Variants in CDH18 observed in about 807,000 individuals in gnomAD.
The protein encoded by CDH18 is cadherin-18.
A neutral mutation model predicts 67.9 loss-of-function variants in CDH18; 31 were observed. The ratio of observed to expected loss-of-function variants is 0.46; its 90% CI spans 0.34 to 0.62. The LOEUF (loss-of-function observed/expected upper bound fraction) is 0.62, where lower values mean the gene tolerates loss of function less well. Among genes scored for constraint, CDH18 ranks in the 20% least tolerant of loss-of-function variants. The pLI, the probability that CDH18 is intolerant of heterozygous loss-of-function variation, is 0.01. For synonymous variants in CDH18, 362 were observed against 347.2 expected (o/e 1.04, Z -0.48); for missense variants, 890 against 975.5 (o/e 0.91, Z 1.17).
intron 1 of CDH18, among the ~76,000 whole-genome samples, chr5:20,523,026 A>G (rs1411172918): frequency 6.6e-6 from 1 of 152,206 alleles, no homozygotes; most frequent in Non-Finnish European, 1.5e-5. Flanking sequence ...CACAAGATGT[A>G]GGACTTTAAC....
At chr5:19,973,178 T>C (rs1374349477) in intron 2 of CDH18, among the ~76,000 whole-genome samples, 1 of 152,092 alleles carries the variant, frequency 6.6e-6, no homozygotes, top group Non-Finnish European at 1.5e-5. Flanking sequence ...GGAAAAACAC[T>C]GTGGAAATAT....
chr5:20,188,863 A>AAAC (rs1554100582), intron 2 of CDH18, among the ~76,000 whole-genome samples: 1 of 150,684 alleles, frequency 6.6e-6, no homozygotes, highest in African/African-American at 2.5e-5. Context: ...AAAAAAAAAA[A>AAAC]TCCACTCTCT....
chr5:20,151,574 C>A (rs906732542), intron 2 of CDH18, among the ~76,000 whole-genome samples: 2 of 152,100 alleles, frequency 1.3e-5, no homozygotes, highest in African/African-American at 4.8e-5. Context: ...CTGCTTTCCA[C>A]AGTGGTGGAA....
At chr5:20,161,353 G>T (rs1735876171) in intron 2 of CDH18, among the ~76,000 whole-genome samples, 1 of 152,120 alleles carries the variant, frequency 6.6e-6, no homozygotes, top group African/African-American at 2.4e-5. Flanking sequence ...CATGGAAGTT[G>T]ATTGCTAAAG....
intron 1 of CDH18, among the ~76,000 whole-genome samples, chr5:20,413,003 G>A (rs879864117): frequency 5.3e-5 from 8 of 152,016 alleles, no homozygotes; most frequent in African/African-American, 1.2e-4. Flanking sequence ...TGATGCTCCC[G>A]CCCTGCGTCC....
intron 5 of CDH18, among the ~76,000 whole-genome samples, chr5:19,662,883 A>AT (rs1274417185): frequency 1.3e-5 from 2 of 152,068 alleles, no homozygotes; most frequent in African/African-American, 4.8e-5. Context: ...CTAGCTTATA[A>AT]TTTAAGCTAA....
intron 5 of CDH18, among the ~76,000 whole-genome samples, chr5:19,620,801 T>TA (rs1216645294): frequency 6.6e-6 from 1 of 152,134 alleles, no homozygotes; most frequent in Non-Finnish European, 1.5e-5. Flanking sequence ...ATCATACTGA[T>TA]AAAATCATAG....
intron 1 of CDH18, among the ~76,000 whole-genome samples, chr5:20,392,273 A>G (rs1744927712): frequency 6.6e-6 from 1 of 151,892 alleles, no homozygotes; most frequent in Non-Finnish European, 1.5e-5. Context: ...AAAGTTTTTA[A>G]AAATGTAAAT....
intron 6 of CDH18, among the ~76,000 whole-genome samples, chr5:19,597,404 T>C (rs1746350318): frequency 6.6e-6 from 1 of 152,138 alleles, no homozygotes; most frequent in Admixed American, 6.5e-5. Flanking sequence ...ATAGATAAGC[T>C]ATACACACTT....
At chr5:19,687,058 T>A (rs1761194378) in intron 5 of CDH18, among the ~76,000 whole-genome samples, 2 of 151,960 alleles carry the variant, frequency 1.3e-5, no homozygotes, top group Admixed American at 6.6e-5. Context: ...CCTGAGACAC[T>A]GAAAGAAAGG....
chr5:19,699,582 A>G (rs570661447), intron 5 of CDH18, among the ~76,000 whole-genome samples: 105 of 151,662 alleles, frequency 6.9e-4, no homozygotes, highest in African/African-American at 2.5e-3. Context: ...AGATGAAGAC[A>G]CATGAGAGAG....
intron 1 of CDH18, among the ~76,000 whole-genome samples, chr5:20,456,197 T>C (rs1750823353): frequency 6.6e-6 from 1 of 152,082 alleles, no homozygotes; most frequent in Non-Finnish European, 1.5e-5. Flanking sequence ...CATGTAAATA[T>C]TTGCATAATT....
Position 20,015,366 on chromosome 5 carries a change from T to C in CDH18, c.-517-23352A>G, listed in dbSNP as rs549990290. Among the ~76,000 whole-genome samples, 18 of 152,218 alleles carry C rather than the reference T, an allele frequency of 1.2e-4. No homozygotes were observed. The East Asian group carries it at 3.3e-3, about 28-fold the overall frequency. Reference sequence around the variant, plus strand: ...CATGGTCCACCTATCAGAAAAGATGTGGCACAAGTGGCATGTACTGAGGAT... The same window carrying C: ...CATGGTCCACCTATCAGAAAAGATGCGGCACAAGTGGCATGTACTGAGGAT... On this transcript the variant is annotated intron_variant, in intron 2 of 14. Coordinates refer to the CDH18 transcript ENST00000507958.
intron 2 of CDH18, among the ~76,000 whole-genome samples, chr5:19,952,151 T>C (rs1316704166): frequency 2.0e-5 from 3 of 152,056 alleles, no homozygotes; most frequent in Non-Finnish European, 2.9e-5. Context: ...CAGGTTCAAG[T>C]GATTTCTCTT....
At chr5:20,256,936 T>C (rs1040489761) in intron 1 of CDH18, among the ~76,000 whole-genome samples, 1 of 123,824 alleles carries the variant, frequency 8.1e-6, no homozygotes, top group Non-Finnish European at 1.8e-5. Context: ...CTTGGTGGTA[T>C]CTATCTATCT....
intron 3 of CDH18, among the ~76,000 whole-genome samples, chr5:19,778,895 A>G (rs1368524951): frequency 6.6e-6 from 1 of 152,082 alleles, no homozygotes; most frequent in Non-Finnish European, 1.5e-5. Context: ...TTCTACATGT[A>G]TTATGCTCAG....
intron 3 of CDH18, among the ~76,000 whole-genome samples, chr5:19,817,157 A>T (rs1779377065): frequency 6.6e-6 from 1 of 151,980 alleles, no homozygotes; most frequent in Non-Finnish European, 1.5e-5. Flanking sequence ...ATATAAATTT[A>T]AAGTACACGG....
Position 20,424,409 on chromosome 5 carries a change from C to CT in CDH18, c.-580+151052dup, listed in dbSNP as rs142131265. On this transcript the variant is annotated intron_variant, in intron 1 of 14. Coordinates refer to the CDH18 transcript ENST00000507958. ...TCAGAGCTACAGAGTTTCAGATTAT[C>CT]TTTTTTTTTTGTTTCCAAGAACAAT... is the stretch of plus-strand genomic sequence containing the variant. Among the ~76,000 whole-genome samples, 39 of 149,528 alleles carry CT rather than the reference C, an allele frequency of 2.6e-4. 2 individuals carry two copies. Among genetic ancestry groups the CT allele is most frequent in the African/African-American group, 7.1e-4 (28 of 39,454 alleles).
chr5:19,620,746 T>C (rs575673963), intron 5 of CDH18, among the ~76,000 whole-genome samples: 50 of 152,256 alleles, frequency 3.3e-4, no homozygotes, highest in African/African-American at 1.1e-3. Context: ...TTCAATGTGA[T>C]CTGTGTTTTC....
Sources: allele counts gnomAD v4.1 joint callset (sites outside exome capture counted in the v4.1 genomes callset), GRCh38; gene constraint gnomAD v4.1.1; transcripts MANE v1.5; gene names NCBI Gene and HGNC (gene_info 2026-07-23, HGNC 2026-07-21).